The following SH2D4A variants were observed in gnomAD, a reference collection of about 807,000 sequenced individuals.
The protein encoded by SH2D4A is SH2 domain-containing protein 4A.
SH2D4A carries 70 observed loss-of-function variants against 64.7 expected under a neutral mutation model. The ratio of observed to expected loss-of-function variants is 1.08; its 90% confidence interval spans 0.89 to 1.32. SH2D4A has a LOEUF of 1.32. Among genes scored for constraint, SH2D4A ranks in the 40% most tolerant of loss-of-function variants. SH2D4A has a pLI of 0.00. For missense variants in SH2D4A, 706 were observed against 540.1 expected (o/e 1.31, Z -3.04); for synonymous variants, 268 against 200.7 (o/e 1.34, Z -2.83).
At chr8:19,318,197 C>T (rs887349349) in intron 1 of SH2D4A, among the ~76,000 whole-genome samples, 2 of 152,192 alleles carry the variant, frequency 1.3e-5, no homozygotes, top group Non-Finnish European at 2.9e-5. Flanking sequence ...AGCCACCCCG[C>T]CTGGCCTATT....
At chr8:19,320,657 A>G (rs1449466625) in intron 2 of SH2D4A, among the ~76,000 whole-genome samples, 1 of 148,860 alleles carries the variant, frequency 6.7e-6, no homozygotes, top group Non-Finnish European at 1.5e-5. Flanking sequence ...GACTTAAAGC[A>G]TATACACATA....
At chr8:19,314,422 A>T (rs1419078966) in intron 1 of SH2D4A, among the ~76,000 whole-genome samples, 1 of 152,202 alleles carries the variant, frequency 6.6e-6, no homozygotes, top group Admixed American at 6.5e-5. Flanking sequence ...CGCGGAGGCC[A>T]GTGCAGCGCC....
chr8:19,358,127 T>C (rs2052823362), intron 5 of SH2D4A, among the ~76,000 whole-genome samples: 1 of 152,188 alleles, frequency 6.6e-6, no homozygotes, highest in Non-Finnish European at 1.5e-5. Context: ...ACAGCAGCAA[T>C]AGGGGATCTA....
chr8:19,368,587 T>G (rs1211952975), intron 7 of SH2D4A, among the ~76,000 whole-genome samples: 3 of 151,106 alleles, frequency 2.0e-5, no homozygotes, highest in Non-Finnish European at 4.4e-5. Flanking sequence ...AGTTATTTTA[T>G]TTTATTTTAT....
intron 8 of SH2D4A, among the ~76,000 whole-genome samples, chr8:19,388,810 T>C (rs2053433878): frequency 1.3e-5 from 2 of 152,188 alleles, no homozygotes; most frequent in Admixed American, 1.3e-4. Flanking sequence ...TTAAACTCTT[T>C]TTCGGTCATC....
intron 1 of SH2D4A, 88 bp downstream of exon 1, chr8:19,313,911 G>A (rs2052038904): frequency 7.5e-7 from 1 of 1,328,206 alleles, no homozygotes; most frequent in East Asian, 3.1e-5. Context: ...GGTTGCATGG[G>A]TGCATGGGAG....
chr8:19,334,543 G>T, intron 3 of SH2D4A, 143 bp from the exon 4 acceptor site: 1 of 814,044 alleles, frequency 1.2e-6, no homozygotes, highest in Non-Finnish European at 1.9e-6. Flanking sequence ...TACACACCTA[G>T]CAAAGGGCCC....
intron 4 of SH2D4A, among the ~76,000 whole-genome samples, chr8:19,351,710 G>T (rs1405926660): frequency 6.6e-6 from 1 of 152,114 alleles, no homozygotes; most frequent in African/African-American, 2.4e-5. Flanking sequence ...TCCTGACAAT[G>T]TTCTGTTTGT....
At chr8:19,372,950 T>A (rs2053128983) in intron 7 of SH2D4A, among the ~76,000 whole-genome samples, 1 of 152,010 alleles carries the variant, frequency 6.6e-6, no homozygotes, top group South Asian at 2.1e-4. Flanking sequence ...AATGCAAACA[T>A]TAGGAAAGAA....
At chr8:19,358,602 C>G (rs1173508024) in intron 5 of SH2D4A, among the ~76,000 whole-genome samples, 1 of 152,126 alleles carries the variant, frequency 6.6e-6, no homozygotes, top group African/African-American at 2.4e-5. Context: ...CACAGAGGCA[C>G]TACCTCACTT....
At chr8:19,317,730 G>C (rs917709064) in intron 1 of SH2D4A, among the ~76,000 whole-genome samples, 2 of 152,152 alleles carry the variant, frequency 1.3e-5, no homozygotes, top group African/African-American at 4.8e-5. Context: ...CAAGGTGAAC[G>C]AAGAGAAACC....
intron 2 of SH2D4A, among the ~76,000 whole-genome samples, chr8:19,332,596 G>A (rs1470539289): frequency 9.1e-6 from 1 of 109,942 alleles, no homozygotes; most frequent in Non-Finnish European, 1.9e-5. Context: ...TACTTGGGAG[G>A]CTGAGGTGGG....
At chr8:19,322,407 G>A (rs1044347779) in intron 2 of SH2D4A, among the ~76,000 whole-genome samples, 2 of 152,010 alleles carry the variant, frequency 1.3e-5, no homozygotes, top group Admixed American at 6.6e-5. Flanking sequence ...TTAGCCACAC[G>A]GTGGTTTTGA....
chr8:19,322,508 T>C (rs992068518), intron 2 of SH2D4A, among the ~76,000 whole-genome samples: 1 of 152,144 alleles, frequency 6.6e-6, no homozygotes, highest in Non-Finnish European at 1.5e-5. Context: ...TTCATTGTCA[T>C]CTGGTCATTT....
At chr8:19,377,508 T>TA (rs2053215561) in intron 8 of SH2D4A, among the ~76,000 whole-genome samples, 1 of 152,238 alleles carries the variant, frequency 6.6e-6, no homozygotes, top group African/African-American at 2.4e-5. Flanking sequence ...TTATATGCTG[T>TA]AAACATATAT....
intron 7 of SH2D4A, among the ~76,000 whole-genome samples, chr8:19,371,533 T>C (rs1421925442): frequency 6.6e-6 from 1 of 152,182 alleles, no homozygotes; most frequent in Non-Finnish European, 1.5e-5. Flanking sequence ...TTGATTATAA[T>C]ATGTCTTGGG....
intron 2 of SH2D4A, among the ~76,000 whole-genome samples, chr8:19,325,501 C>G (rs1440840851): frequency 6.6e-6 from 1 of 152,192 alleles, no homozygotes; most frequent in East Asian, 1.9e-4. Flanking sequence ...CTTTTCTGTT[C>G]CCCCAACTCT....
intron 4 of SH2D4A, among the ~76,000 whole-genome samples, chr8:19,351,050 C>T (rs547677320): frequency 6.6e-6 from 1 of 152,264 alleles, no homozygotes; most frequent in Admixed American, 6.5e-5. Flanking sequence ...GAAAATCTCT[C>T]CTGTCTCTCT....
At chr8:19,367,471 G>C (rs910215668) in intron 7 of SH2D4A, among the ~76,000 whole-genome samples, 1 of 152,096 alleles carries the variant, frequency 6.6e-6, no homozygotes, top group Non-Finnish European at 1.5e-5. Flanking sequence ...TTGTGGTTTT[G>C]ATGTGCATTT....
Sources: allele counts gnomAD v4.1 joint callset (sites outside exome capture counted in the v4.1 genomes callset), GRCh38; gene constraint gnomAD v4.1.1; transcripts MANE v1.5; gene names NCBI Gene and HGNC (gene_info 2026-07-23, HGNC 2026-07-21).